NTM: variants seen among roughly 807,000 people sequenced by gnomAD.
NTM encodes IgLON family member 2.
In NTM, 13 loss-of-function variants were observed where a neutral mutation model predicts 42.1. That is an observed-to-expected ratio of 0.31 (90% CI 0.20 to 0.49). NTM has a LOEUF of 0.49. Ranked by LOEUF, NTM falls within the 20% of genes least tolerant of loss-of-function variation. The pLI, the probability that NTM is intolerant of heterozygous loss-of-function variation, is 0.99. For synonymous variants in NTM, 187 were observed against 179.2 expected (o/e 1.04, Z -0.35); for missense variants, 373 against 452.8 (o/e 0.82, Z 1.60).
chr11:132,234,657 A>G (rs1256927686), intron 4 of NTM, among the ~76,000 whole-genome samples: 1 of 152,228 alleles, frequency 6.6e-6, no homozygotes, highest in Non-Finnish European at 1.5e-5. Flanking sequence ...ACACGTTATA[A>G]TAATAATGAT....
chr11:132,317,540 CA>C (rs1301737271), intron 7 of NTM: 1 of 458,914 alleles, frequency 2.2e-6, no homozygotes, highest in Non-Finnish European at 3.6e-6. Flanking sequence ...TATAATCCCC[CA>C]GAAATGTCTG....
intron 1 of NTM, among the ~76,000 whole-genome samples, chr11:131,397,024 G>T (rs1271056433): frequency 6.6e-6 from 1 of 152,100 alleles, no homozygotes; most frequent in Non-Finnish European, 1.5e-5. Flanking sequence ...AAGGGGCTAA[G>T]ACAGTCACTC....
intron 1 of NTM, chr11:131,539,142 A>T (rs146052600): frequency 2.0e-5 from 3 of 152,076 alleles, no homozygotes; most frequent in Non-Finnish European, 4.4e-5. Flanking sequence ...ACGTTCTACA[A>T]TGTTGCTCAG....
At chr11:131,424,948 T>C (rs1352135990) in intron 1 of NTM, among the ~76,000 whole-genome samples, 1 of 151,000 alleles carries the variant, frequency 6.6e-6, no homozygotes, top group Non-Finnish European at 1.5e-5. Context: ...GGCTCGATCT[T>C]GGCTCATTGA....
intron 1 of NTM, among the ~76,000 whole-genome samples, chr11:131,602,940 A>G (rs4936140): frequency 3.3e-5 from 5 of 151,966 alleles, no homozygotes; most frequent in Non-Finnish European, 7.4e-5. Context: ...TCTTGTAATC[A>G]AACTTTCCTC....
intron 3 of NTM, among the ~76,000 whole-genome samples, chr11:132,187,884 T>C (rs181282129): frequency 1.5e-3 from 233 of 152,276 alleles, no homozygotes; most frequent in African/African-American, 5.3e-3. Context: ...AAGAGAGTGA[T>C]ACGTAGGAGA....
intron 2 of NTM, among the ~76,000 whole-genome samples, chr11:131,942,945 CAAA>C (rs5795748): frequency 0.61 from 85,181 of 138,668 alleles, 24,935 homozygotes; most frequent in East Asian, 0.92. Context: ...GACCCTGTCT[CAAA>C]AAAAAAAAAA....
intron 1 of NTM, among the ~76,000 whole-genome samples, chr11:131,640,186 C>T (rs2064961728): frequency 1.3e-5 from 2 of 152,072 alleles, no homozygotes; most frequent in Admixed American, 6.6e-5. Flanking sequence ...ATATAATCTT[C>T]AAAGGGTTTC....
intron 1 of NTM, among the ~76,000 whole-genome samples, chr11:131,886,595 T>C (rs1436758827): frequency 6.6e-6 from 1 of 152,262 alleles, no homozygotes; most frequent in East Asian, 1.9e-4. Context: ...GGCTGCTGTC[T>C]TGCTAACTCG....
At chr11:132,173,982 G>A (rs918679984) in intron 3 of NTM, among the ~76,000 whole-genome samples, 7 of 152,122 alleles carry the variant, frequency 4.6e-5, no homozygotes, top group African/African-American at 1.7e-4. Context: ...TGTCCTAAAT[G>A]AGTGTGTCCT....
At chr11:131,614,116 G>A (rs565448460) in intron 1 of NTM, among the ~76,000 whole-genome samples, 10 of 152,318 alleles carry the variant, frequency 6.6e-5, no homozygotes, top group African/African-American at 2.2e-4. Flanking sequence ...GATCTGGGGC[G>A]ATGGGCTACC....
chr11:132,170,381 G>C (rs2075952302), intron 3 of NTM, among the ~76,000 whole-genome samples: 8 of 152,190 alleles, frequency 5.3e-5, no homozygotes, highest in Admixed American at 4.6e-4. Flanking sequence ...CACTGTCAGT[G>C]ATGAGCAACT....
intron 1 of NTM, among the ~76,000 whole-genome samples, chr11:131,543,755 C>T (rs1462227377): frequency 6.6e-6 from 1 of 152,218 alleles, no homozygotes; most frequent in Admixed American, 6.5e-5. Context: ...GTGCCCGTAG[C>T]CCTGCATCAT....
At chr11:131,437,383 G>T (rs1232881163) in intron 1 of NTM, among the ~76,000 whole-genome samples, 1 of 152,094 alleles carries the variant, frequency 6.6e-6, no homozygotes, top group Non-Finnish European at 1.5e-5. Context: ...TGAGAGTGGG[G>T]TGTTAAAGTC....
intron 1 of NTM, among the ~76,000 whole-genome samples, chr11:131,788,383 G>C (rs530827997): frequency 6.6e-6 from 1 of 152,038 alleles, no homozygotes; most frequent in South Asian, 2.1e-4. Context: ...AGTATATGGA[G>C]ATTTATACCT....
chr11:132,125,567 G>GT (rs2065599956), intron 2 of NTM, among the ~76,000 whole-genome samples: 1 of 140,142 alleles, frequency 7.1e-6, no homozygotes, highest in Non-Finnish European at 1.6e-5. Context: ...TGTGTGGTGG[G>GT]GTATGAATGT....
intron 2 of NTM, among the ~76,000 whole-genome samples, chr11:131,979,791 A>C (rs974379156): frequency 2.0e-5 from 3 of 152,260 alleles, no homozygotes; most frequent in African/African-American, 7.2e-5. Context: ...TGGCAACATT[A>C]TGGCTTAAGC....
At chr11:131,403,036 AG>A (rs1354848751) in intron 1 of NTM, among the ~76,000 whole-genome samples, 4 of 152,242 alleles carry the variant, frequency 2.6e-5, no homozygotes, top group Non-Finnish European at 2.9e-5. Context: ...CAGTAGAAAA[AG>A]CTTAGACTGC....
chr11:132,319,879 A>G (rs2095520906), intron 7 of NTM, among the ~76,000 whole-genome samples: 1 of 151,728 alleles, frequency 6.6e-6, no homozygotes, highest in Admixed American at 6.5e-5. Flanking sequence ...GTAGGGGCAG[A>G]CTGACACCTC....
Sources: allele counts gnomAD v4.1 joint callset (sites outside exome capture counted in the v4.1 genomes callset), GRCh38; gene constraint gnomAD v4.1.1; transcripts MANE v1.5; gene names NCBI Gene and HGNC (gene_info 2026-07-23, HGNC 2026-07-21).